Variants in LRRC9 observed in about 807,000 individuals in gnomAD.
LRRC9 encodes the protein leucine rich repeat containing 9.
LRRC9 carries 122 observed loss-of-function variants against 63.2 expected under a neutral mutation model. The observed-to-expected ratio is 1.93, with a 90% CI of 1.67 to 2.24. The LOEUF is 2.24. Ranked by LOEUF, LRRC9 falls within the 30% of genes most tolerant of loss-of-function variation. The pLI, the probability that LRRC9 is intolerant of heterozygous loss-of-function variation, is 0.00. For synonymous variants in LRRC9, 366 were observed against 213.1 expected (o/e 1.72, Z -6.25); for missense variants, 1,071 against 627.7 (o/e 1.71, Z -7.55).
chr14:60,000,992 A>G lies in LRRC9; in HGVS notation c.2530-974A>G, dbSNP rs1021543789. Among the ~76,000 whole-genome samples the G allele has an allele frequency of 3.9e-4, 59 of 152,266 alleles. 1 individual carries two copies. Among genetic ancestry groups the G allele is most frequent in the African/African-American group, 1.3e-3 (53 of 41,566 alleles). Reference sequence around the variant, plus strand: ...TTAACTTAGGAAAAGATACTCCACCATATTAGCATTCAAGAAAATGAACAT... The same window carrying G: ...TTAACTTAGGAAAAGATACTCCACCGTATTAGCATTCAAGAAAATGAACAT... On this transcript the variant is annotated intron_variant, in intron 19 of 31. Transcript: ENST00000445360.
rs1884421274 is a variant in LRRC9 at position 59,962,227 on chromosome 14, T to A, written c.1211+1182T>A. On this transcript the variant is annotated intron_variant, in intron 10 of 31. Coordinates refer to ENST00000445360, the Ensembl canonical transcript of LRRC9. The surrounding 1 kb of genome is among the most constrained non-coding windows in gnomAD (Gnocchi z 5.1). ...AAATACTTTCCTTTGTATTAGTACA[T>A]CCATTTGCCCAGCAGTTACTACTGT... Among the ~76,000 whole-genome samples, 1 of 152,138 alleles carries A rather than the reference T, an allele frequency of 6.6e-6. No homozygotes were observed.
chr14:60,040,928 T>C (rs1290455874), intron 29 of LRRC9, among the ~76,000 whole-genome samples: 1 of 151,990 alleles, frequency 6.6e-6, no homozygotes, highest in African/African-American at 2.4e-5. Flanking sequence ...TAGTGCTTCC[T>C]TCAGGAGGTC....
chr14:59,979,743 C>T (rs1320885884), intron 15 of LRRC9, among the ~76,000 whole-genome samples: 5 of 146,938 alleles, frequency 3.4e-5, no homozygotes, highest in African/African-American at 1.3e-4. Context: ...CGCATGTTCT[C>T]ACTCATAGGT....
chr14:59,946,211 T>C (rs1477267821), intron 8 of LRRC9, among the ~76,000 whole-genome samples: 1 of 151,234 alleles, frequency 6.6e-6, no homozygotes, highest in Non-Finnish European at 1.5e-5. Context: ...AAAACCAAGG[T>C]TTTGAAATAT....
Position 59,932,033 on chromosome 14 carries a change from T to C in LRRC9, c.537T>C (p.Ser179=). 1 of 699,878 alleles carries C rather than the reference T, an allele frequency of 1.4e-6. No homozygotes were observed. Among genetic ancestry groups the C allele is most frequent in the South Asian group, 1.5e-5 (1 of 67,144 alleles). The allele number at this position is 699,878 out of a possible 1,614,324, so 43.4% of individuals were successfully genotyped here. A position where few individuals can be genotyped will look rare whatever the true frequency, so the allele number is the denominator to read the frequency against. Residue 179 remains serine, a synonymous_variant, in exon 6 of 32, where the codon TCT becomes TCC. Transcript: ENST00000445360. This position sits in a 1 kb window ranked among gnomAD's most constrained non-coding sequence, Gnocchi z 4.7. Reference sequence around the variant, plus strand: ...ACCTTTCTGGTAACCAAATATGTTCTTTCAAGGTATGTTTAAGTGGAATAA... The same window carrying C: ...ACCTTTCTGGTAACCAAATATGTTCCTTCAAGGTATGTTTAAGTGGAATAA...
At chr14:59,968,858 T>C (rs185024552) in intron 12 of LRRC9, among the ~76,000 whole-genome samples, 112 of 152,248 alleles carry the variant, frequency 7.4e-4, no homozygotes, top group African/African-American at 2.4e-3. Flanking sequence ...TGCTGCTCTG[T>C]CCAAAAGAGT....
At chr14:59,928,095 C>A in intron 2 of LRRC9, 104 bp downstream of exon 2, 1 of 599,274 alleles carries the variant, frequency 1.7e-6, no homozygotes, top group East Asian at 2.8e-5. Flanking sequence ...GTCATTTCCT[C>A]TACCTAGTGA....
chr14:60,015,815 A>G (rs1478961413), intron 23 of LRRC9, among the ~76,000 whole-genome samples: 1 of 152,146 alleles, frequency 6.6e-6, no homozygotes, highest in Non-Finnish European at 1.5e-5. Flanking sequence ...GTTCCCACTC[A>G]GCAGGTGGAT....
At chr14:60,041,506 T>A (rs1299275403) in intron 29 of LRRC9, among the ~76,000 whole-genome samples, 5 of 152,232 alleles carry the variant, frequency 3.3e-5, no homozygotes, top group Non-Finnish European at 5.9e-5. Context: ...GTTCAATCAC[T>A]GATACCCTTT....
rs201610913 is a variant in LRRC9 at position 60,053,429 on chromosome 14, G to A, written c.4131+224G>A. On this transcript the variant is annotated intron_variant, in intron 30 of 31. Transcript: ENST00000445360. The surrounding 1 kb of genome is among the most constrained non-coding windows in gnomAD (Gnocchi z 4.8). ...CACACACACACACACACATATATAT[G>A]TAAGTCAGGGAACATCCTTTTCTTA... Among the ~76,000 whole-genome samples, 505 of 146,188 alleles carry A rather than the reference G, an allele frequency of 3.5e-3. 17 individuals are homozygous for A. In the East Asian group the frequency reaches 0.058, roughly 17 times the overall value.
intron 21 of LRRC9, among the ~76,000 whole-genome samples, chr14:60,005,195 C>G (rs1188572968): frequency 2.0e-5 from 3 of 151,934 alleles, no homozygotes; most frequent in Non-Finnish European, 4.4e-5. Flanking sequence ...GTTTCTAAAA[C>G]TTTCTTGATC....
Position 60,060,797 on chromosome 14 carries a change from T to C in LRRC9, c.4277-2526T>C, listed in dbSNP as rs1894610500. On this transcript the variant is annotated intron_variant, in intron 31 of 31. Transcript: ENST00000445360. This position sits in a 1 kb window ranked among gnomAD's most constrained non-coding sequence, Gnocchi z 4.0. ...CTCTGAGGGATATGGGCAAAGTAAA[T>C]TGAAGACCTTCTGGAAAGGATTCAC... 6.6e-6 allele frequency among the ~76,000 whole-genome samples: 1 copy of C among 152,084 alleles called. No homozygotes were observed. The highest frequency in any genetic ancestry group is 1.9e-4 in the East Asian group (1 of 5,192).
rs140132479 is a variant in LRRC9, at chr14:59,922,057, C to T, written c.-34+2174C>T. On this transcript the variant is annotated intron_variant, in intron 1 of 31. Transcript: ENST00000445360. This position sits in a 1 kb window ranked among gnomAD's most constrained non-coding sequence, Gnocchi z 5.3. ...CCAGATTGTGCCACTGCAGTCAAGC[C>T]TGGGCAGCAAAGTGAGATTCTGTCT... Among the ~76,000 whole-genome samples the T allele has an allele frequency of 9.9e-5, 15 of 150,774 alleles. No individual in the cohort carries two copies. Among genetic ancestry groups the T allele is most frequent in the Middle Eastern group, 3.4e-3 (1 of 294 alleles).
Position 59,964,014 on chromosome 14 carries a change from T to C in LRRC9, c.1212-2575T>C, listed in dbSNP as rs1884600518. Among the ~76,000 whole-genome samples, 1 of 152,212 alleles carries C rather than the reference T, an allele frequency of 6.6e-6. No individual in the cohort carries two copies. Among genetic ancestry groups the C allele is most frequent in the Admixed American group, 6.5e-5 (1 of 15,288 alleles). On this transcript the variant is annotated intron_variant, in intron 10 of 31. Coordinates refer to ENST00000445360, the Ensembl canonical transcript of LRRC9. The surrounding 1 kb of genome is among the most constrained non-coding windows in gnomAD (Gnocchi z 4.4). ...TAACTGAATATATTAGTCATTGATA[T>C]ATATCATTGTGAATGTTTATACCTT... is the stretch of plus-strand genomic sequence containing the variant.
rs1458318674 is a variant in LRRC9, at chr14:59,942,640, A to C, written c.727-1949A>C. 1.3e-5 allele frequency among the ~76,000 whole-genome samples: 2 copies of C among 152,160 alleles called. No homozygotes were observed. Among genetic ancestry groups the C allele is most frequent in the Non-Finnish European group, 2.9e-5 (2 of 68,020 alleles). ...CTACTCAGGAGGCTGAGGCAGGAGAATCACTTGAACCCAGAAGGCAGAAGT... is the reference window on the plus strand; with the variant it reads ...CTACTCAGGAGGCTGAGGCAGGAGACTCACTTGAACCCAGAAGGCAGAAGT... On this transcript the variant is annotated intron_variant, in intron 7 of 31. Transcript: ENST00000445360. This position sits in a 1 kb window ranked among gnomAD's most constrained non-coding sequence, Gnocchi z 5.3.
chr14:59,938,944 TAC>T lies in LRRC9; in HGVS notation c.726+374_726+375del, dbSNP rs1286132797. ...GCATATATATACACATATATACATA[TAC>T]ATACATATATACACACATATATACA... On this transcript the variant is annotated intron_variant, in intron 7 of 31. Coordinates refer to ENST00000445360, the Ensembl canonical transcript of LRRC9. The surrounding 1 kb of genome is among the most constrained non-coding windows in gnomAD (Gnocchi z 4.2). Among the ~76,000 whole-genome samples the T allele has an allele frequency of 2.0e-5, 2 of 97,674 alleles. No individual in the cohort carries two copies. Among genetic ancestry groups the T allele is most frequent in the African/African-American group, 8.2e-5 (2 of 24,362 alleles). 64.1% of individuals were successfully genotyped at this position (97,674 alleles called of 152,430 possible).
At chr14:60,020,603 A>G (rs1212097918) in intron 26 of LRRC9, among the ~76,000 whole-genome samples, 1 of 151,930 alleles carries the variant, frequency 6.6e-6, no homozygotes, top group African/African-American at 2.4e-5. Context: ...TCTCACCAAA[A>G]AGATCCTTCA....
In LRRC9 at chr14:59,938,462, C is replaced by T. The variant is rs1476548504; in HGVS notation, c.616C>T (p.Pro206Ser). 2.9e-6 allele frequency: 2 copies of T among 697,964 alleles called. No individual in the cohort carries two copies. The highest frequency in any genetic ancestry group is 3.5e-5 in the African/African-American group (2 of 56,660). 43.2% of individuals were successfully genotyped at this position (697,964 alleles called of 1,614,324 possible). A position where few individuals can be genotyped will look rare whatever the true frequency, so the allele number is the denominator to read the frequency against. The change falls in exon 7 of 32, where the codon CCA (proline) becomes TCA (serine). Residue 206 changes from proline (P) to serine (S), a missense_variant. Coordinates refer to ENST00000445360, the Ensembl canonical transcript of LRRC9. This position sits in a 1 kb window ranked among gnomAD's most constrained non-coding sequence, Gnocchi z 4.2. ...GAATGACCCTCAATATACAACCAAT[C>T]CAGTTTGTCTTCTGTGTAATTATTC... is the stretch of plus-strand genomic sequence containing the variant.
At chr14:60,026,946 T>C (rs1278049893) in intron 27 of LRRC9, among the ~76,000 whole-genome samples, 2 of 152,070 alleles carry the variant, frequency 1.3e-5, no homozygotes, top group African/African-American at 4.8e-5. Flanking sequence ...TTAATTATCT[T>C]TTTAAAGACA....
Sources: gnomAD v4.1 joint callset for allele counts (sites outside exome capture counted in the v4.1 genomes callset) on GRCh38, gnomAD v4.1.1 for gene constraint, Gnocchi (gnomAD v3.1) non-coding constraint, MANE v1.5 for transcripts, NCBI Gene and HGNC (gene_info 2026-07-23, HGNC 2026-07-21) for gene names.